The following DIAPH3 variants were observed in gnomAD, a reference collection of about 807,000 sequenced individuals.
DIAPH3 encodes the protein protein diaphanous homolog 3.
A neutral mutation model predicts 144.3 loss-of-function variants in DIAPH3; 117 were observed. The observed-to-expected ratio is 0.81, with a 90% CI of 0.70 to 0.95. DIAPH3 has a LOEUF of 0.95. Ranked by LOEUF, DIAPH3 falls within the 40% of genes least tolerant of loss-of-function variation. The probability of loss-of-function intolerance (pLI) is 0.00; values close to 1 mark genes in which losing one functional copy is unlikely to be tolerated. For missense variants in DIAPH3, 1,421 were observed against 1,412.7 expected, an observed-to-expected ratio of 1.01 and a Z score of -0.09; for synonymous variants, 519 against 488.9, an observed-to-expected ratio of 1.06 and a Z score of -0.81.
At chr13:59,999,728 C>A (rs1438608273) in intron 9 of DIAPH3, among the ~76,000 whole-genome samples, 1 of 152,026 alleles carries the variant, frequency 6.6e-6, no homozygotes, top group Non-Finnish European at 1.5e-5. Flanking sequence ...GACACTTTCA[C>A]CCCATCTCCA....
At chr13:59,829,527 C>A (rs1412799749) in intron 24 of DIAPH3, among the ~76,000 whole-genome samples, 1 of 151,856 alleles carries the variant, frequency 6.6e-6, no homozygotes, top group East Asian at 1.9e-4. Context: ...AGTACACATA[C>A]CACATTTAGT....
At position 60,132,941 on chromosome 13, in the gene DIAPH3, T is replaced by C. The variant is rs1165086686; in HGVS notation, c.213+16A>G. 2 of 1,603,556 alleles carry C rather than the reference T, an allele frequency of 1.2e-6. No individual in the cohort carries two copies. The highest frequency in any genetic ancestry group is 2.2e-5 in the East Asian group (1 of 44,660). On this transcript the variant is annotated intron_variant, in intron 2 of 27. Transcript: ENST00000400324. Reference sequence around the variant, plus strand: ...GTTACAATTCATAACAAAGGAAAAGTTGAGGATAATCTTACCATATCATCC... The same window carrying C: ...GTTACAATTCATAACAAAGGAAAAGCTGAGGATAATCTTACCATATCATCC...
chr13:60,089,274 T>G (rs1277471934), intron 4 of DIAPH3, among the ~76,000 whole-genome samples: 1 of 152,198 alleles, frequency 6.6e-6, no homozygotes, highest in Non-Finnish European at 1.5e-5. Flanking sequence ...ATGCTTGGTT[T>G]GTCCACTCAA....
chr13:59,973,995 T>A (rs113627461), intron 15 of DIAPH3, among the ~76,000 whole-genome samples: 1 of 152,122 alleles, frequency 6.6e-6, no homozygotes, highest in African/African-American at 2.4e-5. Context: ...GCTGAAGGTT[T>A]TAAAAAATAA....
chr13:59,942,601 T>C (rs1221768417), intron 17 of DIAPH3, among the ~76,000 whole-genome samples: 5 of 152,152 alleles, frequency 3.3e-5, no homozygotes, highest in Admixed American at 1.3e-4. Flanking sequence ...CACACATTAA[T>C]ACAAATATTC....
At chr13:59,687,129 C>A (rs1193271202) in intron 27 of DIAPH3, among the ~76,000 whole-genome samples, 3 of 152,110 alleles carry the variant, frequency 2.0e-5, no homozygotes, top group African/African-American at 4.8e-5. Context: ...TCAGAAGCAG[C>A]AGACTCAGTG....
At chr13:59,818,075 A>G (rs2040872874) in intron 24 of DIAPH3, among the ~76,000 whole-genome samples, 1 of 151,948 alleles carries the variant, frequency 6.6e-6, no homozygotes, top group Non-Finnish European at 1.5e-5. Flanking sequence ...TTGACCACGT[A>G]TTTTGTAAAC....
intron 22 of DIAPH3, among the ~76,000 whole-genome samples, chr13:59,840,698 C>T (rs552337346): frequency 6.6e-6 from 1 of 152,208 alleles, no homozygotes; most frequent in African/African-American, 2.4e-5. Flanking sequence ...AATGATTGAA[C>T]TCTTCCGAGA....
intron 14 of DIAPH3, among the ~76,000 whole-genome samples, chr13:59,976,978 T>G (rs562997867): frequency 6.6e-6 from 1 of 152,004 alleles, no homozygotes; most frequent in South Asian, 2.1e-4. Context: ...TCTTTGTTCT[T>G]AAACTATCAG....
chr13:59,721,520 T>C lies in DIAPH3; in HGVS notation c.3319+52669A>G, dbSNP rs574613910. Among the ~76,000 whole-genome samples the C allele has an allele frequency of 5.3e-5, 8 of 152,346 alleles. No homozygotes were observed. The South Asian group carries it at 1.7e-3, about 32-fold the overall frequency. The stretch of plus-strand genomic sequence containing the variant: ...AGTTATTTGTCAATGTCTCTTCATC[T>C]GCATAAGAACTAGGTGAATTGACGG... On this transcript the variant is annotated intron_variant, in intron 27 of 27. Transcript: ENST00000400324.
chr13:59,963,217 T>C (rs968380729), intron 17 of DIAPH3, among the ~76,000 whole-genome samples: 2 of 152,166 alleles, frequency 1.3e-5, no homozygotes, highest in South Asian at 2.1e-4. Flanking sequence ...TTCTATTAAA[T>C]GCACAGAATA....
At chr13:59,938,590 C>T (rs995433509) in intron 17 of DIAPH3, among the ~76,000 whole-genome samples, 1 of 150,914 alleles carries the variant, frequency 6.6e-6, no homozygotes, top group African/African-American at 2.4e-5. Flanking sequence ...GCCTGGGCAA[C>T]AGAGGCAGAC....
intron 27 of DIAPH3, among the ~76,000 whole-genome samples, chr13:59,767,989 G>A (rs887277927): frequency 6.6e-6 from 1 of 152,180 alleles, no homozygotes; most frequent in Non-Finnish European, 1.5e-5. Context: ...TCTACCCACA[G>A]GGCATCCTTA....
intron 24 of DIAPH3, among the ~76,000 whole-genome samples, chr13:59,821,171 A>G (rs1474812633): frequency 6.6e-6 from 1 of 152,052 alleles, no homozygotes; most frequent in Non-Finnish European, 1.5e-5. Flanking sequence ...TCAAGTCCCT[A>G]AAATGAGATT....
At chr13:60,125,154 C>A (rs989643291) in intron 2 of DIAPH3, among the ~76,000 whole-genome samples, 1 of 152,076 alleles carries the variant, frequency 6.6e-6, no homozygotes, top group African/African-American at 2.4e-5. Flanking sequence ...ATTACATAGT[C>A]CTTACTGTTA....
intron 3 of DIAPH3, among the ~76,000 whole-genome samples, chr13:60,097,696 A>G (rs762561382): frequency 1.3e-5 from 2 of 152,164 alleles, no homozygotes; most frequent in Non-Finnish European, 2.9e-5. Flanking sequence ...TAGGCATGTA[A>G]CTTCATCTAA....
At chr13:59,753,905 A>G (rs1191802375) in intron 27 of DIAPH3, among the ~76,000 whole-genome samples, 1 of 152,222 alleles carries the variant, frequency 6.6e-6, no homozygotes, top group African/African-American at 2.4e-5. Context: ...AGTAAATCAA[A>G]GAACAAAAGA....
chr13:60,102,775 A>T (rs375366403), intron 3 of DIAPH3, among the ~76,000 whole-genome samples: 13 of 152,188 alleles, frequency 8.5e-5, no homozygotes, highest in East Asian at 3.9e-4. Flanking sequence ...ATAACGACTG[A>T]CCCCTGCCAA....
At chr13:60,009,570 G>A (rs996474332) in intron 8 of DIAPH3, among the ~76,000 whole-genome samples, 8 of 152,194 alleles carry the variant, frequency 5.3e-5, no homozygotes, top group Non-Finnish European at 7.3e-5. Context: ...ACATTTATAT[G>A]GCCTTAAATA....
Sources: gnomAD v4.1 joint callset for allele counts (sites outside exome capture counted in the v4.1 genomes callset) on GRCh38, gnomAD v4.1.1 for gene constraint, MANE v1.5 for transcripts, NCBI Gene and HGNC (gene_info 2026-07-23, HGNC 2026-07-21) for gene names.